GPR21: variants seen among roughly 807,000 people sequenced by gnomAD.
GPR21 encodes G protein-coupled receptor 21.
A neutral mutation model predicts 21.5 loss-of-function variants in GPR21; 9 were observed. The observed-to-expected ratio is 0.42, with a 90% confidence interval of 0.25 to 0.73. The LOEUF is 0.73. Ranked by LOEUF, GPR21 falls within the 30% of genes least tolerant of loss-of-function variation. The pLI is 0.27. For synonymous variants in GPR21, 169 were observed against 159.3 expected (o/e 1.06, Z -0.46); for missense variants, 416 against 428.9 (o/e 0.97, Z 0.27).
At position 123,033,733 on chromosome 9, in the gene GPR21, A is replaced by G. The variant is rs1408755780; in HGVS notation, c.-406A>G. Reference sequence around the variant, plus strand: ...GGCTTTTGTTTGGATTGCAGCATGCAGAATTACAGGTAACATTCTGAAATT... The same window carrying G: ...GGCTTTTGTTTGGATTGCAGCATGCGGAATTACAGGTAACATTCTGAAATT... On this transcript the variant is annotated 5_prime_UTR_variant, in exon 1 of 2. Transcript: ENST00000616002. 6.6e-6 allele frequency: 1 copy of G among 152,262 alleles called. No homozygotes were observed. Among genetic ancestry groups the G allele is most frequent in the East Asian group, 1.9e-4 (1 of 5,200 alleles). The allele number at this position is 152,262 out of a possible 1,614,324, so 9.4% of individuals were successfully genotyped here.
At chr9:123,036,069 A>G (rs2032642410), downstream of GPR21, among the ~76,000 whole-genome samples, 1 of 152,226 alleles carries the variant, frequency 6.6e-6, no homozygotes, top group South Asian at 2.1e-4. Flanking sequence ...ATAGTAAAAT[A>G]TAAATGAAAA....
Position 123,035,204 on chromosome 9 carries a change from A to T in GPR21, c.638A>T (p.Asn213Ile). The change falls in exon 2 of 2, where the codon AAC (asparagine) becomes ATC (isoleucine). Residue 213 changes from asparagine (N) to isoleucine (I), a missense_variant. Coordinates refer to ENST00000616002, the MANE Select transcript of GPR21 (RefSeq NM_005294.3). ...AALIVCFTYF[N>I]IFRICQQHTK... ...CTTATTGTCTGCTTCACCTATTTCA[A>T]CATCTTCCGCATCTGCCAACAGCAC... 4.3e-6 allele frequency: 7 copies of T among 1,614,030 alleles called. No individual in the cohort carries two copies. In the Middle Eastern group the frequency reaches 1.2e-3, roughly 266 times the overall value.
Position 123,034,833 on chromosome 9 carries a change from C to T in GPR21, c.267C>T (p.Leu89=), listed in dbSNP as rs1265028279. The change falls in exon 2 of 2, where the codon CTC becomes CTT. Residue 89 remains leucine, a synonymous_variant. Coordinates refer to ENST00000616002, the MANE Select transcript of GPR21 (RefSeq NM_005294.3). ...GVSCVVPSLS[L]LHHPLPVEES... ...GCTGCGTGGTCCCTTCTTTATCACT[C>T]CTCCATCACCCCCTTCCAGTAGAGG... The T allele has an allele frequency of 2.9e-5, 47 of 1,613,916 alleles. No individual in the cohort carries two copies. Among genetic ancestry groups the T allele is most frequent in the Non-Finnish European group, 3.7e-5 (44 of 1,179,956 alleles).
rs775672944 is a variant in GPR21, at chr9:123,035,127, C to T, written c.561C>T (p.Thr187=). 13 of 1,613,554 alleles carry T rather than the reference C, an allele frequency of 8.1e-6. No homozygotes were observed. The highest frequency in any genetic ancestry group is 5.5e-5 in the South Asian group (5 of 91,058). ...AGTGGTGTGCGGAGTCCTGGCACACCGACTCCTACTTCACCCTGTTCATCG... is the reference window on the plus strand; with the variant it reads ...AGTGGTGTGCGGAGTCCTGGCACACTGACTCCTACTTCACCCTGTTCATCG... ...VFQWCAESWH[T]DSYFTLFIVM... is the part of the protein sequence containing the mutation. The change falls in exon 2 of 2, where the codon ACC becomes ACT. Residue 187 remains threonine (T), a synonymous_variant. Transcript: ENST00000616002.
downstream of GPR21, among the ~76,000 whole-genome samples, chr9:123,039,992 A>AG (rs1354063296): frequency 5.3e-5 from 8 of 152,152 alleles, no homozygotes; most frequent in African/African-American, 1.9e-4. Context: ...ATTATGTAAG[A>AG]GCAGTGGCTT....
chr9:123,048,038 C>T, the GPR21 span, among the ~76,000 whole-genome samples: 1 of 144,484 alleles, frequency 6.9e-6, no homozygotes, highest in Non-Finnish European at 1.5e-5. Flanking sequence ...CTCCCAGGTT[C>T]AAGCGATTCT....
In GPR21 at chr9:123,035,413, C is replaced by T. The variant is rs139223372; in HGVS notation, c.847C>T (p.Arg283Cys). The T allele has an allele frequency of 6.3e-4, 1,011 of 1,614,186 alleles. 7 individuals are homozygous for T. Among genetic ancestry groups the T allele is most frequent in the African/African-American group, 1.5e-4 (11 of 75,048 alleles). ...GGAAAGCTCCACTGGCCACAGCAAC[C>T]GCTTCGCATCCTTCTTGACCACCTG... ...LLESSTGHSN[R>C]FASFLTTWLA... Residue 283 changes from arginine to cysteine, a missense_variant, in exon 2 of 2, where the codon CGC becomes TGC. Physicochemically the swap from Arg to Cys is radical, Grantham distance 180. Transcript: ENST00000616002.
chr9:123,046,046 TTC>T, the GPR21 span, among the ~76,000 whole-genome samples: 1 of 152,236 alleles, frequency 6.6e-6, no homozygotes, highest in African/African-American at 2.4e-5. Context: ...GTGTGCTTCC[TTC>T]TCTCAGGGAT....
At chr9:123,037,366 C>T (rs2032719194), downstream of GPR21, among the ~76,000 whole-genome samples, 1 of 152,058 alleles carries the variant, frequency 6.6e-6, no homozygotes, top group African/African-American at 2.4e-5. Context: ...TGGGTTTTTC[C>T]CAAAACCTTG....
chr9:123,035,896 G>C (rs16912514), downstream of GPR21, among the ~76,000 whole-genome samples: 2,425 of 152,266 alleles, frequency 0.016, 36 homozygotes, highest in South Asian at 0.067. Context: ...ACAGTTCTCA[G>C]ATTTAAAATG....
At chr9:123,047,099 A>G in the GPR21 span, among the ~76,000 whole-genome samples, 2 of 152,246 alleles carry the variant, frequency 1.3e-5, no homozygotes, top group African/African-American at 2.4e-5. Flanking sequence ...AGGTTTGGAA[A>G]AAAAGGAAAC....
Position 123,034,976 on chromosome 9 carries a change from A to G in GPR21, c.410A>G (p.Tyr137Cys), listed in dbSNP as rs565648741. The G allele has an allele frequency of 1.8e-5, 29 of 1,613,608 alleles. No homozygotes were observed. Among genetic ancestry groups the G allele is most frequent in the Non-Finnish European group, 2.3e-5 (27 of 1,179,680 alleles). The change falls in exon 2 of 2, where the codon TAT becomes TGT. Residue 137 changes from tyrosine (Y) to cysteine (C), a missense_variant. By Grantham distance (194) the Tyr-to-Cys change is radical (BLOSUM62 -2). Coordinates refer to ENST00000616002, the MANE Select transcript of GPR21 (RefSeq NM_005294.3). ...ATTGCCATTACTAAACCTTTAACCT[A>G]TAATACTCTGGTTACACCCTGGAGA... ...RYIAITKPLT[Y>C]NTLVTPWRLR... is the part of the protein sequence containing the mutation.
At chr9:123,046,087 G>C in the GPR21 span, among the ~76,000 whole-genome samples, 1 of 152,128 alleles carries the variant, frequency 6.6e-6, no homozygotes, top group Non-Finnish European at 1.5e-5. Context: ...TGCCTTGATA[G>C]TTAGCTCCAG....
chr9:123,037,648 T>C (rs10985869), downstream of GPR21, among the ~76,000 whole-genome samples: 13,384 of 152,280 alleles, frequency 0.088, 1,711 homozygotes, highest in East Asian at 0.61. Flanking sequence ...ATTTTTAGTT[T>C]AGAAAATATG....
downstream of GPR21, among the ~76,000 whole-genome samples, chr9:123,037,994 A>G (rs2032755018): frequency 6.6e-6 from 1 of 152,192 alleles, no homozygotes; most frequent in African/African-American, 2.4e-5. Context: ...CAGAGGAAAC[A>G]TATACTTTTG....
chr9:123,048,194 C>T, the GPR21 span, among the ~76,000 whole-genome samples: 8 of 152,080 alleles, frequency 5.3e-5, no homozygotes, highest in Admixed American at 1.3e-4. Flanking sequence ...CCATCTTGGC[C>T]TCCCAAAGTG....
At chr9:123,045,872 A>G in the GPR21 span, among the ~76,000 whole-genome samples, 3 of 152,294 alleles carry the variant, frequency 2.0e-5, no homozygotes, top group African/African-American at 7.2e-5. Flanking sequence ...TATCACATCT[A>G]AAGTATGTAA....
At position 123,034,482 on chromosome 9, in the gene GPR21, G is replaced by T; in HGVS notation, c.-85G>T. ...GGCATTATTACACACATGCAAAGCT[G>T]ACCGCAATGACAGCAGCTGCTTCTT... On this transcript the variant is annotated 5_prime_UTR_variant, in exon 2 of 2. It removes the in-frame stop codon of an upstream open reading frame in the 5' UTR. Transcript: ENST00000616002. 2 of 817,404 alleles carry T rather than the reference G, an allele frequency of 2.4e-6. No homozygotes were observed. The highest frequency in any genetic ancestry group is 4.0e-6 in the Non-Finnish European group (2 of 503,268). 50.6% of individuals were successfully genotyped at this position (817,404 alleles called of 1,614,324 possible). A position where few individuals can be genotyped will look rare whatever the true frequency, so the allele number is the denominator to read the frequency against.
the GPR21 span, among the ~76,000 whole-genome samples, chr9:123,041,503 A>G: frequency 3.9e-5 from 6 of 152,220 alleles, no homozygotes; most frequent in African/African-American, 1.4e-4. Context: ...CTGTACCATT[A>G]TGTAAGCCTA....
Sources: gnomAD v4.1 joint callset for allele counts (sites outside exome capture counted in the v4.1 genomes callset) on GRCh38, gnomAD v4.1.1 for gene constraint, MANE v1.5 for transcripts, NCBI Gene and HGNC (gene_info 2026-07-23, HGNC 2026-07-21) for gene names.